The following PRH1 variants were observed in gnomAD, a reference collection of about 807,000 sequenced individuals.
PRH1 encodes proline rich protein HaeIII subfamily 1, also known as salivary acidic proline-rich phosphoprotein 1/2.
A neutral mutation model predicts 7.9 loss-of-function variants in PRH1; 7 were observed. That is an observed-to-expected ratio of 0.89 (90% CI 0.50 to 1.67). The LOEUF (loss-of-function observed/expected upper bound fraction) is 1.67, where lower values mean the gene tolerates loss of function less well. PRH1 is among the 40% of genes most tolerant of loss of function. PRH1 has a pLI of 0.00. For missense variants in PRH1, 109 were observed against 223.6 expected, an observed-to-expected ratio of 0.49 and a Z score of 3.27; for synonymous variants, 45 against 80.8, an observed-to-expected ratio of 0.56 and a Z score of 2.38.
chr12:10,969,062 A>AT (rs981447878), intron 2 of PRH1, among the ~76,000 whole-genome samples: 3 of 152,202 alleles, frequency 2.0e-5, no homozygotes, highest in African/African-American at 7.2e-5. Flanking sequence ...GAATTGGAGA[A>AT]TGGTAAATGA....
intron 2 of PRH1, among the ~76,000 whole-genome samples, chr12:10,928,226 C>T (rs182882339): frequency 1.3e-5 from 2 of 152,188 alleles, no homozygotes; most frequent in Admixed American, 6.5e-5. Context: ...TGAAAGAAAA[C>T]TCTGATGAAA....
chr12:10,942,068 T>G (rs1386927683), intron 2 of PRH1, among the ~76,000 whole-genome samples: 2 of 152,172 alleles, frequency 1.3e-5, no homozygotes, highest in Non-Finnish European at 2.9e-5. Flanking sequence ...TCCTGTGATG[T>G]AAACCATCTG....
downstream of PRH1, among the ~76,000 whole-genome samples, chr12:11,120,019 G>A (rs1945847643): frequency 6.6e-6 from 1 of 152,190 alleles, no homozygotes; most frequent in African/African-American, 2.4e-5. Flanking sequence ...TGTAATATAT[G>A]TGCTTGAGAA....
intron 2 of PRH1, chr12:10,909,436 C>T (rs1288980557): frequency 6.0e-5 from 38 of 628,700 alleles, no homozygotes; most frequent in South Asian, 5.7e-4. Flanking sequence ...GTTGGCTCAA[C>T]GTCAAAGCAG....
intron 1 of PRH1, among the ~76,000 whole-genome samples, chr12:11,015,722 G>T (rs1941263329): frequency 6.6e-6 from 1 of 152,120 alleles, no homozygotes; most frequent in Admixed American, 6.6e-5. Context: ...GAGGTATGTA[G>T]TACAGTGGCA....
Position 11,093,225 on chromosome 12 carries a change from G to A in PRH1, n.124-46037C>T, listed in dbSNP as rs1184609944. Among the ~76,000 whole-genome samples the A allele has an allele frequency of 1.0e-4, 12 of 115,380 alleles. 2 individuals are homozygous for A. In the South Asian group the frequency reaches 1.7e-3, roughly 16 times the overall value. 75.7% of individuals were successfully genotyped at this position (115,380 alleles called of 152,430 possible). A position where few individuals can be genotyped will look rare whatever the true frequency, so the allele number is the denominator to read the frequency against. ...TCATAACTAAGATCATCACCAATGCGGACTTTTTTAAATCACAGATTTAAA... is the reference window on the plus strand; with the variant it reads ...TCATAACTAAGATCATCACCAATGCAGACTTTTTTAAATCACAGATTTAAA... On this transcript the variant is annotated intron_variant and non_coding_transcript_variant, in intron 1 of 4. Transcript: ENST00000541977.
chr12:11,168,144 G>T, intron 1 of PRH1, among the ~76,000 whole-genome samples: 1 of 149,594 alleles, frequency 6.7e-6, no homozygotes, highest in Non-Finnish European at 1.5e-5. Context: ...AGTATGTTCT[G>T]GTAAGAATTA....
chr12:10,889,079 C>T (rs894754267), upstream of PRH1, among the ~76,000 whole-genome samples: 7 of 152,104 alleles, frequency 4.6e-5, no homozygotes, highest in Non-Finnish European at 1.0e-4. Flanking sequence ...ATTGTGTTTG[C>T]CCACTTTCCC....
At chr12:10,946,185 A>T (rs1950484015) in intron 2 of PRH1, among the ~76,000 whole-genome samples, 1 of 152,230 alleles carries the variant, frequency 6.6e-6, no homozygotes, top group South Asian at 2.1e-4. Context: ...TGATTGGGGA[A>T]GTGATAAGTG....
intron 1 of PRH1, among the ~76,000 whole-genome samples, chr12:11,129,755 T>G (rs1349559030): frequency 6.6e-6 from 1 of 152,288 alleles, no homozygotes; most frequent in African/African-American, 2.4e-5. Flanking sequence ...ATTTGCCTTG[T>G]AAGAATAATA....
chr12:10,982,458 T>C (rs940790022), intron 1 of PRH1, among the ~76,000 whole-genome samples: 1 of 152,238 alleles, frequency 6.6e-6, no homozygotes, highest in Admixed American at 6.5e-5. Flanking sequence ...GAATGTGGTT[T>C]CCAGCACTTT....
intron 1 of PRH1, chr12:11,062,176 T>C: frequency 6.2e-7 from 1 of 1,613,604 alleles, no homozygotes; most frequent in Non-Finnish European, 8.5e-7. Flanking sequence ...AAAAGAGATC[T>C]TTTGTCTCTT....
chr12:10,958,053 A>G (rs752180307), intron 2 of PRH1, among the ~76,000 whole-genome samples: 7 of 152,184 alleles, frequency 4.6e-5, no homozygotes, highest in South Asian at 2.1e-4. Flanking sequence ...CAGCAATTCC[A>G]TTATTGGATA....
intron 1 of PRH1, among the ~76,000 whole-genome samples, chr12:11,132,646 T>C (rs1212943928): frequency 6.6e-6 from 1 of 152,280 alleles, no homozygotes; most frequent in Non-Finnish European, 1.5e-5. Context: ...TTAAATCTAA[T>C]ATTCCTCAGT....
chr12:10,929,270 C>T, intron 2 of PRH1: 1 of 1,614,182 alleles, frequency 6.2e-7, no homozygotes, highest in Non-Finnish European at 8.5e-7. Flanking sequence ...GAGCCTTCTG[C>T]AAGATGCTTC....
In PRH1 at chr12:11,169,721, A is replaced by G. The variant is rs138247292; in HGVS notation, n.39+1701T>C. Among the ~76,000 whole-genome samples the G allele has an allele frequency of 4.2e-3, 645 of 152,276 alleles. 6 individuals are homozygous for G. Among genetic ancestry groups the G allele is most frequent in the African/African-American group, 0.014 (565 of 41,550 alleles). ...AATTATATGTGTGAACTGAAACTAT[A>G]TATCTTCTCCCAGTTCTCAGAATTG... is the stretch of plus-strand genomic sequence containing the variant. On this transcript the variant is annotated intron_variant and non_coding_transcript_variant, in intron 1 of 1. Transcript: ENST00000541175.
At chr12:11,051,636 A>T (rs66509257), upstream of PRH1, among the ~76,000 whole-genome samples, 32,256 of 134,324 alleles carry the variant, frequency 0.24, 4,002 homozygotes, top group Non-Finnish European at 0.31. Flanking sequence ...ATAATTTATG[A>T]TGATCATTTT....
In PRH1 at chr12:11,016,813, A is replaced by G. The variant is rs531868757; in HGVS notation, c.-126+30207T>C. Among the ~76,000 whole-genome samples, 9 of 152,318 alleles carry G rather than the reference A, an allele frequency of 5.9e-5. No individual in the cohort carries two copies. The South Asian group carries it at 1.9e-3, about 32-fold the overall frequency. ...GACCTGTAGAGTCAGGGACATTATT[A>G]GAGCAGAACCAAGGGGAAGCCTGTG... is the stretch of plus-strand genomic sequence containing the variant. On this transcript the variant is annotated intron_variant, in intron 1 of 3. Coordinates refer to the PRH1 transcript ENST00000539853.
intron 1 of PRH1, among the ~76,000 whole-genome samples, chr12:10,998,163 G>T (rs1350030866): frequency 6.6e-6 from 1 of 152,102 alleles, no homozygotes; most frequent in African/African-American, 2.4e-5. Flanking sequence ...TCATACTGAT[G>T]TTGAAGGGAA....
Sources: gnomAD v4.1 joint callset for allele counts (sites outside exome capture counted in the v4.1 genomes callset) on GRCh38, gnomAD v4.1.1 for gene constraint, MANE v1.5 for transcripts, NCBI Gene and HGNC (gene_info 2026-07-23, HGNC 2026-07-21) for gene names.